The following ZRANB1 variants were observed in gnomAD, a reference collection of about 807,000 sequenced individuals.
ZRANB1 encodes ubiquitin thioesterase ZRANB1.
A neutral mutation model predicts 80.5 loss-of-function variants in ZRANB1; 16 were observed. The observed-to-expected ratio is 0.20, with a 90% CI of 0.13 to 0.30. ZRANB1 has a LOEUF of 0.30. Ranked by LOEUF, ZRANB1 falls within the 10% of genes least tolerant of loss-of-function variation. The pLI, the probability that ZRANB1 is intolerant of heterozygous loss-of-function variation, is 1.00. For missense variants in ZRANB1, 576 were observed against 862.6 expected, an observed-to-expected ratio of 0.67 and a Z score of 4.16; for synonymous variants, 291 against 293.1, an observed-to-expected ratio of 0.99 and a Z score of 0.07.
At chr10:124,969,570 A>G (rs764022398) in intron 2 of ZRANB1, among the ~76,000 whole-genome samples, 10 of 152,194 alleles carry the variant, frequency 6.6e-5, no homozygotes, top group East Asian at 1.9e-4. Context: ...TGGTAGTTTC[A>G]TGAAACTTAT....
chr10:124,968,515 G>A (rs1042121130), intron 2 of ZRANB1, among the ~76,000 whole-genome samples: 4 of 152,152 alleles, frequency 2.6e-5, no homozygotes, highest in African/African-American at 9.7e-5. Context: ...TAAGGGAGAA[G>A]GGAACTTTTC....
At chr10:124,978,155 A>G (rs933005960) in intron 5 of ZRANB1, among the ~76,000 whole-genome samples, 6 of 152,186 alleles carry the variant, frequency 3.9e-5, no homozygotes, top group Non-Finnish European at 4.4e-5. Context: ...GGAATAACCC[A>G]TACATAGTTC....
Position 124,943,240 on chromosome 10 carries a change from T to C in ZRANB1, c.747T>C (p.Phe249=). ...GCAAGGAGGAACTTGAAGTAGACTT[T>C]AAAAAACTAAAGCAAATTAAAAACA... is the stretch of plus-strand genomic sequence containing the variant. ...VGSKEELEVD[F]KKLKQIKNRM... Residue 249 remains phenylalanine, a synonymous_variant, in exon 1 of 9, where the codon TTT becomes TTC. Coordinates refer to ENST00000359653, the MANE Select transcript of ZRANB1 (RefSeq NM_017580.3). 1 of 1,614,142 alleles carries C rather than the reference T, an allele frequency of 6.2e-7. No individual in the cohort carries two copies. Among genetic ancestry groups the C allele is most frequent in the Non-Finnish European group, 8.5e-7 (1 of 1,180,022 alleles).
At chr10:124,957,044 T>C (rs1951692800) in intron 1 of ZRANB1, among the ~76,000 whole-genome samples, 1 of 152,262 alleles carries the variant, frequency 6.6e-6, no homozygotes, top group Non-Finnish European at 1.5e-5. Flanking sequence ...AGAAATTTAA[T>C]ACTGAAAGTC....
chr10:124,935,200 G>T, the ZRANB1 span, among the ~76,000 whole-genome samples: 1 of 152,170 alleles, frequency 6.6e-6, no homozygotes, highest in African/African-American at 2.4e-5. Context: ...TAATATTCTA[G>T]CTATTTGTTG....
Position 124,983,025 on chromosome 10 carries a change from AT to A in ZRANB1, c.1549-147del. 2.8e-6 allele frequency: 2 copies of A among 710,496 alleles called. No homozygotes were observed. Among genetic ancestry groups the A allele is most frequent in the Non-Finnish European group, 4.4e-6 (2 of 451,424 alleles). 44.0% of individuals were successfully genotyped at this position (710,496 alleles called of 1,614,324 possible). The stretch of plus-strand genomic sequence containing the variant: ...CTTTTACAGTTTTACTGGATTTATT[AT>A]TTGAGGAATCAAATGCTGCTTTGAC... On this transcript the variant is annotated intron_variant, in intron 6 of 8. Transcript: ENST00000359653. The surrounding 1 kb of genome is among the most constrained non-coding windows in gnomAD (Gnocchi z 6.2).
At chr10:124,961,344 T>C (rs1382738437) in intron 1 of ZRANB1, among the ~76,000 whole-genome samples, 2 of 152,186 alleles carry the variant, frequency 1.3e-5, no homozygotes, top group Admixed American at 6.5e-5. Flanking sequence ...TTCCTTTCAG[T>C]TGAATATTTT....
Position 124,984,915 on chromosome 10 carries a change from C to G in ZRANB1, c.2050C>G (p.Leu684Val). 1 of 1,613,866 alleles carries G rather than the reference C, an allele frequency of 6.2e-7. No individual in the cohort carries two copies. The highest frequency in any genetic ancestry group is 1.3e-5 in the African/African-American group (1 of 74,908). The change falls in exon 9 of 9, where the codon CTT becomes GTT. Residue 684 changes from leucine to valine, a missense_variant. Leu to Val is a conservative substitution (Grantham distance 32, BLOSUM62 1). Transcript: ENST00000359653. ...GGTCACTCAGATGGTAGAAAAATGG[C>G]TTGACCGCTACCGACAGATCCGGCC... The part of the protein sequence containing the change: ...PLVTQMVEKW[L>V]DRYRQIRPCT...
At position 124,963,066 on chromosome 10, in the gene ZRANB1, G is replaced by A. The variant is rs1470176491; in HGVS notation, c.815-3528G>A. Reference sequence around the variant, plus strand: ...GGATCACCTGAGGTCAGGAGTTCGAGATCAACCTGATCAATATGGTGAAAC... The same window carrying A: ...GGATCACCTGAGGTCAGGAGTTCGAAATCAACCTGATCAATATGGTGAAAC... On this transcript the variant is annotated intron_variant, in intron 1 of 8. Transcript: ENST00000359653. 2.0e-5 allele frequency among the ~76,000 whole-genome samples: 3 copies of A among 152,098 alleles called. No homozygotes were observed. The East Asian group carries it at 5.8e-4, about 29-fold the overall frequency.
chr10:124,972,654 A>G (rs1286762215), intron 3 of ZRANB1, among the ~76,000 whole-genome samples: 1 of 152,174 alleles, frequency 6.6e-6, no homozygotes, highest in African/African-American at 2.4e-5. Context: ...TTTTCAATTC[A>G]TTGACAGTTG....
the ZRANB1 span, among the ~76,000 whole-genome samples, chr10:124,923,599 A>G: frequency 6.6e-6 from 1 of 151,916 alleles, no homozygotes; most frequent in Non-Finnish European, 1.5e-5. Context: ...ACTACCTGAG[A>G]TTGGTAATTT....
intron 1 of ZRANB1, chr10:124,945,068 A>T (rs1951568721): frequency 6.6e-6 from 1 of 152,250 alleles, no homozygotes; most frequent in Non-Finnish European, 1.5e-5. Context: ...GGGTTTTGTT[A>T]TTAGTTTCCT....
the ZRANB1 span, among the ~76,000 whole-genome samples, chr10:124,933,988 C>T: frequency 1.3e-5 from 2 of 152,166 alleles, no homozygotes; most frequent in African/African-American, 4.8e-5. Context: ...TTCTTTCATT[C>T]TAGTCAGTGG....
At chr10:124,925,498 A>G in the ZRANB1 span, among the ~76,000 whole-genome samples, 20 of 152,224 alleles carry the variant, frequency 1.3e-4, no homozygotes, top group African/African-American at 3.1e-4. Context: ...TCTGGATACA[A>G]TTCCCTTCCT....
At chr10:124,918,762 A>T in the ZRANB1 span, among the ~76,000 whole-genome samples, 1 of 152,228 alleles carries the variant, frequency 6.6e-6, no homozygotes, top group Admixed American at 6.5e-5. Context: ...AAATGAGGGA[A>T]TTCTAAAAAA....
At chr10:124,927,566 A>G in the ZRANB1 span, among the ~76,000 whole-genome samples, 8,371 of 152,258 alleles carry the variant, frequency 0.055, 749 homozygotes, top group African/African-American at 0.19. Context: ...GTGGAATACT[A>G]TCTTTTGATA....
At chr10:124,951,452 T>C (rs80270937) in intron 1 of ZRANB1, among the ~76,000 whole-genome samples, 1 of 152,350 alleles carries the variant, frequency 6.6e-6, no homozygotes, top group East Asian at 1.9e-4. Context: ...AATCCTTGCA[T>C]TGGACACTGG....
At chr10:124,980,996 G>C (rs954043683) in intron 5 of ZRANB1, among the ~76,000 whole-genome samples, 3 of 152,182 alleles carry the variant, frequency 2.0e-5, no homozygotes, top group African/African-American at 7.2e-5. Flanking sequence ...ATGTATAGAA[G>C]ATAAATGTGA....
chr10:124,984,405 C>T (rs566938758), intron 8 of ZRANB1: 33 of 185,496 alleles, frequency 1.8e-4, no homozygotes, highest in Non-Finnish European at 3.4e-4. Context: ...GTTCATAGAC[C>T]GTAACTTGTA....
Sources: allele counts gnomAD v4.1 joint callset (sites outside exome capture counted in the v4.1 genomes callset), GRCh38; gene constraint gnomAD v4.1.1; non-coding constraint Gnocchi (gnomAD v3.1); transcripts MANE v1.5; gene names NCBI Gene and HGNC (gene_info 2026-07-23, HGNC 2026-07-21).